The following BTBD16 variants were observed in gnomAD, a reference collection of about 807,000 sequenced individuals.
BTBD16 encodes the protein BTB domain containing 16, also known as BTB/POZ domain-containing protein 16.
BTBD16 carries 66 observed loss-of-function variants against 67.4 expected under a neutral mutation model. The ratio of observed to expected loss-of-function variants is 0.98; its 90% confidence interval spans 0.80 to 1.20. The LOEUF is 1.20. Among genes scored for constraint, BTBD16 ranks in the 50% most tolerant of loss-of-function variants. The pLI is 0.00. For missense variants in BTBD16, 634 were observed against 616.0 expected (o/e 1.03, Z -0.31); for synonymous variants, 242 against 236.4 (o/e 1.02, Z -0.22).
At chr10:122,319,319 T>G (rs61480565) in intron 10 of BTBD16, among the ~76,000 whole-genome samples, 3,341 of 152,296 alleles carry the variant, frequency 0.022, 125 homozygotes, top group African/African-American at 0.076. Context: ...TGACTATGAT[T>G]TTTCCTCTAT....
At chr10:122,312,709 T>C (rs1297451906) in intron 10 of BTBD16, among the ~76,000 whole-genome samples, 1 of 152,224 alleles carries the variant, frequency 6.6e-6, no homozygotes, top group African/African-American at 2.4e-5. Context: ...CATTTCTTTA[T>C]ATATTTGTTA....
intron 11 of BTBD16, among the ~76,000 whole-genome samples, chr10:122,330,383 T>C (rs557277446): frequency 5.9e-5 from 9 of 152,302 alleles, no homozygotes; most frequent in South Asian, 2.1e-4. Context: ...AGCCTAAATA[T>C]CTTCTTCCTT....
At chr10:122,309,841 G>A (rs534133716) in intron 10 of BTBD16, among the ~76,000 whole-genome samples, 30 of 145,880 alleles carry the variant, frequency 2.1e-4, no homozygotes, top group East Asian at 6.3e-4. Context: ...GCACGATCTC[G>A]GCTTGCTGCA....
chr10:122,310,523 G>C (rs1216277831), intron 10 of BTBD16, among the ~76,000 whole-genome samples: 1 of 152,130 alleles, frequency 6.6e-6, no homozygotes, highest in Non-Finnish European at 1.5e-5. Context: ...GTCACCAGGG[G>C]AGTTGAGCTA....
chr10:122,324,606 A>C (rs537887505), intron 10 of BTBD16, among the ~76,000 whole-genome samples: 1 of 152,358 alleles, frequency 6.6e-6, no homozygotes, highest in East Asian at 1.9e-4. Flanking sequence ...CTTTTAGAAT[A>C]GCTCAACAAA....
At chr10:122,332,595 A>C in intron 13 of BTBD16, 82 bp downstream of exon 13, 1 of 1,406,208 alleles carries the variant, frequency 7.1e-7, no homozygotes, top group South Asian at 1.3e-5. Context: ...AGCCATGATC[A>C]CTTCTGGCTC....
At chr10:122,335,065 T>C in intron 14 of BTBD16, 86 bp downstream of exon 14, 1 of 667,958 alleles carries the variant, frequency 1.5e-6, no homozygotes, top group Non-Finnish European at 2.5e-6. Context: ...AATAATTGAT[T>C]CATCATTAAT....
chr10:122,274,068 G>A (rs1232303531), intron 1 of BTBD16, among the ~76,000 whole-genome samples: 1 of 152,228 alleles, frequency 6.6e-6, no homozygotes, highest in Admixed American at 6.5e-5. Context: ...GCTGTTTGGG[G>A]AGCAAAGGGA....
chr10:122,303,457 G>T (rs184332738), intron 9 of BTBD16, among the ~76,000 whole-genome samples: 6 of 152,274 alleles, frequency 3.9e-5, no homozygotes, highest in African/African-American at 1.4e-4. Context: ...ATTGTAAAGG[G>T]TTCTATTGAA....
chr10:122,318,315 C>G (rs1035679512), intron 10 of BTBD16, among the ~76,000 whole-genome samples: 1 of 152,112 alleles, frequency 6.6e-6, no homozygotes, highest in Non-Finnish European at 1.5e-5. Context: ...TTGCATGTAT[C>G]AGTAGGTCTT....
intron 10 of BTBD16, among the ~76,000 whole-genome samples, chr10:122,317,881 CT>C (rs1019837271): frequency 2.0e-5 from 3 of 151,262 alleles, no homozygotes; most frequent in Admixed American, 6.6e-5. Flanking sequence ...AGGCTGTGAA[CT>C]TTTTTTTTAT....
chr10:122,325,372 A>G (rs1424441072), intron 10 of BTBD16, among the ~76,000 whole-genome samples: 3 of 152,130 alleles, frequency 2.0e-5, no homozygotes, highest in African/African-American at 7.2e-5. Context: ...AATAAATCAG[A>G]TGTATGTTAG....
At chr10:122,317,793 A>T (rs544629444) in intron 10 of BTBD16, among the ~76,000 whole-genome samples, 4 of 152,350 alleles carry the variant, frequency 2.6e-5, no homozygotes, top group Admixed American at 2.6e-4. Flanking sequence ...GAAGGCCTTC[A>T]GGGGCAATGA....
rs1219353148 is a variant in BTBD16 at position 122,331,187 on chromosome 10, G to T, written c.1015G>T (p.Glu339Ter). The change falls in exon 12 of 16, where the codon GAG (glutamate) becomes TAG (stop). Residue 339 changes from glutamate to a stop codon, truncating the protein, a stop_gained. Coordinates refer to ENST00000260723, the MANE Select transcript of BTBD16 (RefSeq NM_144587.5). LOFTEE classifies it high-confidence loss of function. Reference sequence around the variant, plus strand: ...GCGTTTCTTCCCAGGCAAGGATCTGGAGGTGCTGCGGCACCTTAACTTCTT... The same window carrying T: ...GCGTTTCTTCCCAGGCAAGGATCTGTAGGTGCTGCGGCACCTTAACTTCTT... Reference protein sequence around the residue: ...LHGITKGKDLEVLRHLNFFPE... With the variant: ...LHGITKGKDL 2 of 1,612,816 alleles carry T rather than the reference G, an allele frequency of 1.2e-6. No individual in the cohort carries two copies. The highest frequency in any genetic ancestry group is 4.5e-5 in the East Asian group (2 of 44,766).
At chr10:122,333,907 T>G (rs1221432619) in intron 13 of BTBD16, among the ~76,000 whole-genome samples, 1 of 152,192 alleles carries the variant, frequency 6.6e-6, no homozygotes, top group East Asian at 1.9e-4. Flanking sequence ...AGTGGTACCT[T>G]CTTGCATGAT....
At chr10:122,285,437 T>C (rs2096361766) in intron 4 of BTBD16, among the ~76,000 whole-genome samples, 1 of 152,180 alleles carries the variant, frequency 6.6e-6, no homozygotes, top group Non-Finnish European at 1.5e-5. Flanking sequence ...AAGAGGGTCA[T>C]GAGAATCCTA....
chr10:122,334,906 T>C lies in BTBD16; in HGVS notation c.1190T>C (p.Ile397Thr), dbSNP rs376424075. The C allele has an allele frequency of 2.5e-6, 4 of 1,569,720 alleles. No homozygotes were observed. In the African/African-American group the frequency reaches 4.1e-5, roughly 16 times the overall value. ...GAGAATACAACTTATTCGAAAACGA[T>C]TGCTCTATATGGATTCTTCTTTAAG... is the stretch of plus-strand genomic sequence containing the variant. The part of the protein sequence containing the change: ...NQENTTYSKT[I>T]ALYGFFFKIK... Residue 397 changes from isoleucine to threonine, a missense_variant, in exon 14 of 16, where the codon ATT becomes ACT. Coordinates refer to ENST00000260723, the MANE Select transcript of BTBD16 (RefSeq NM_144587.5).
intron 10 of BTBD16, among the ~76,000 whole-genome samples, chr10:122,313,268 T>G (rs1445241031): frequency 2.7e-5 from 4 of 150,170 alleles, no homozygotes; most frequent in East Asian, 2.0e-4. Flanking sequence ...TTTTTTTTTT[T>G]TTGTTTTTTT....
At chr10:122,290,816 G>C (rs1324414047) in intron 6 of BTBD16, among the ~76,000 whole-genome samples, 4 of 152,186 alleles carry the variant, frequency 2.6e-5, no homozygotes, top group Non-Finnish European at 5.9e-5. Flanking sequence ...GGAGAACCCA[G>C]GATGGTCTCA....
Sources: gnomAD v4.1 joint callset for allele counts (sites outside exome capture counted in the v4.1 genomes callset) on GRCh38, gnomAD v4.1.1 for gene constraint, MANE v1.5 for transcripts, NCBI Gene and HGNC (gene_info 2026-07-23, HGNC 2026-07-21) for gene names.